The following UNC5B variants were observed in gnomAD, a reference collection of about 807,000 sequenced individuals.
UNC5B encodes unc-5 netrin receptor B, also known as netrin receptor UNC5B.
UNC5B carries 56 observed loss-of-function variants against 103.7 expected under a neutral mutation model. The ratio of observed to expected loss-of-function variants is 0.54; its 90% CI spans 0.44 to 0.67. The LOEUF (loss-of-function observed/expected upper bound fraction) is 0.67. Among genes scored for constraint, UNC5B ranks in the 30% least tolerant of loss-of-function variants. The pLI is 0.00. For synonymous variants in UNC5B, 577 were observed against 542.0 expected, an observed-to-expected ratio of 1.06 and a Z score of -0.90; for missense variants, 1,194 against 1,284.5, an observed-to-expected ratio of 0.93 and a Z score of 1.08.
At chr10:71,279,699 C>G in intron 1 of UNC5B, 122 bp from the exon 2 acceptor site, 1 of 1,078,348 alleles carries the variant, frequency 9.3e-7, no homozygotes. Flanking sequence ...CAGGAGGGCT[C>G]TGGCTGCCCC....
At chr10:71,274,402 C>T (rs1397055714) in intron 1 of UNC5B, among the ~76,000 whole-genome samples, 1 of 152,078 alleles carries the variant, frequency 6.6e-6, no homozygotes, top group African/African-American at 2.4e-5. Context: ...AGAAGTCTAG[C>T]AATGGCTGAA....
At chr10:71,271,566 G>T (rs1032570145) in intron 1 of UNC5B, among the ~76,000 whole-genome samples, 1 of 152,206 alleles carries the variant, frequency 6.6e-6, no homozygotes, top group African/African-American at 2.4e-5. Flanking sequence ...GGGCCTTGGG[G>T]GTGGAAGTCA....
intron 13 of UNC5B, among the ~76,000 whole-genome samples, chr10:71,295,053 G>A (rs746476634): frequency 5.9e-5 from 9 of 152,064 alleles, no homozygotes; most frequent in African/African-American, 9.7e-5. Flanking sequence ...CCCTGGCCCC[G>A]TCCAGCTCCT....
rs1554858437 is a variant in UNC5B at position 71,213,675 on chromosome 10, A to ATT, written c.79+611_79+612insTT. ...ATCGCTGGGCCCGCAGGTCTGGAAG[A>ATT]ATTATTATTATTATTATTATTATTA... On this transcript the variant is annotated intron_variant, in intron 1 of 16. Coordinates refer to ENST00000335350, the MANE Select transcript of UNC5B (RefSeq NM_170744.5). This position sits in a 1 kb window ranked among gnomAD's most constrained non-coding sequence, Gnocchi z 4.1. Among the ~76,000 whole-genome samples, 2 of 133,258 alleles carry ATT rather than the reference A, an allele frequency of 1.5e-5. No homozygotes were observed. Among genetic ancestry groups the ATT allele is most frequent in the Non-Finnish European group, 3.1e-5 (2 of 63,878 alleles). The allele number at this position is 133,258 out of a possible 152,430, so 87.4% of individuals were successfully genotyped here.
intron 1 of UNC5B, among the ~76,000 whole-genome samples, chr10:71,271,974 A>G (rs1019769547): frequency 3.7e-4 from 57 of 152,130 alleles, no homozygotes; most frequent in Non-Finnish European, 6.9e-4. Context: ...ACCGCCTCCG[A>G]GGGGGCCCCT....
chr10:71,259,913 G>A (rs1844376225), intron 1 of UNC5B, among the ~76,000 whole-genome samples: 1 of 152,328 alleles, frequency 6.6e-6, no homozygotes, highest in Admixed American at 6.5e-5. Flanking sequence ...GGGCAGCTCG[G>A]AGTCTGCCCA....
intron 1 of UNC5B, among the ~76,000 whole-genome samples, chr10:71,264,188 A>T (rs545365458): frequency 7.2e-5 from 11 of 152,314 alleles, no homozygotes; most frequent in African/African-American, 2.4e-4. Context: ...CTTTAGATAA[A>T]CAATAGAGAT....
intron 1 of UNC5B, among the ~76,000 whole-genome samples, chr10:71,235,091 ACTCTGCCTCTGC>A (rs749369234): frequency 5.5e-4 from 48 of 87,418 alleles, no homozygotes; most frequent in South Asian, 2.2e-3. Flanking sequence ...GCTGCCTCTG[ACTCTGCCTCTGC>A]CTCTGCCTCT....
chr10:71,282,105 C>A (rs907420441), intron 2 of UNC5B, among the ~76,000 whole-genome samples: 15 of 152,242 alleles, frequency 9.9e-5, no homozygotes, highest in Non-Finnish European at 1.6e-4. Context: ...GGCACACAGG[C>A]CCTGCCAGCC....
At chr10:71,242,752 G>A (rs1353353921) in intron 1 of UNC5B, among the ~76,000 whole-genome samples, 5 of 152,178 alleles carry the variant, frequency 3.3e-5, no homozygotes, top group South Asian at 2.1e-4. Context: ...CTTGGTCGGC[G>A]GCCCCCAGAA....
chr10:71,289,294 C>A (rs1246806188), intron 8 of UNC5B, among the ~76,000 whole-genome samples: 4 of 152,240 alleles, frequency 2.6e-5, no homozygotes, highest in Non-Finnish European at 5.9e-5. Flanking sequence ...AATAGTAGAG[C>A]CAAGATTTGA....
Position 71,285,306 on chromosome 10 carries a change from G to T in UNC5B, c.449-20G>T, listed in dbSNP as rs1845043881. On this transcript the variant is annotated intron_variant, in intron 3 of 16. Transcript: ENST00000335350. ...TCCTGCCCGCACCTGACTGCCTTGGGACCCTCTCGCTTCTCCCAGACCTGC... is the reference window on the plus strand; with the variant it reads ...TCCTGCCCGCACCTGACTGCCTTGGTACCCTCTCGCTTCTCCCAGACCTGC... 1 of 1,596,310 alleles carries T rather than the reference G, an allele frequency of 6.3e-7. No homozygotes were observed. The highest frequency in any genetic ancestry group is 1.1e-5 in the South Asian group (1 of 87,952).
rs1589143066 is a variant in UNC5B, at chr10:71,213,762, T to TGTGTGTGTGTGTGTGTGTGTG, written c.79+698_79+699insGTGTGTGTGTGTGTGTGTGTG. ...GTGTGTGTGTGTGTGTGTGTGTGTG[T>TGTGTGTGTGTGTGTGTGTGTG]TGGATGCGGGTAGGGGTTCTTAGCG... On this transcript the variant is annotated intron_variant, in intron 1 of 16. Transcript: ENST00000335350. This position sits in a 1 kb window ranked among gnomAD's most constrained non-coding sequence, Gnocchi z 4.1. Among the ~76,000 whole-genome samples, 4 of 148,084 alleles carry TGTGTGTGTGTGTGTGTGTGTG rather than the reference T, an allele frequency of 2.7e-5. No homozygotes were observed. The highest frequency in any genetic ancestry group is 1.0e-4 in the African/African-American group (4 of 39,930).
rs1845530693 is a variant in UNC5B at position 71,299,332 on chromosome 10, C to T, written c.*55C>T. The T allele has an allele frequency of 1.9e-6, 3 of 1,598,056 alleles. No homozygotes were observed. The East Asian group carries it at 6.7e-5, about 36-fold the overall frequency. The stretch of plus-strand genomic sequence containing the variant: ...TGGCAGGAGGCAGGTGCAGGGAGGC[C>T]TGGGGCAGCCTCCTGATGGGGATGT... On this transcript the variant is annotated 3_prime_UTR_variant, in exon 17 of 17. Transcript: ENST00000335350.
In UNC5B at chr10:71,293,777, G is replaced by T; in HGVS notation, c.2019G>T (p.Leu673=). The change falls in exon 13 of 17, where the codon CTG becomes CTT. Residue 673 remains leucine (L), a synonymous_variant. Coordinates refer to ENST00000335350, the MANE Select transcript of UNC5B (RefSeq NM_170744.5). ...CQLEPRACHI[L]LDQLGTYVFT... ...TGGAGCCCAGGGCCTGTCACATCCTGCTGGACCAGCTGGGCACCTACGTGT... is the reference window on the plus strand; with the variant it reads ...TGGAGCCCAGGGCCTGTCACATCCTTCTGGACCAGCTGGGCACCTACGTGT... The T allele has an allele frequency of 6.2e-7, 1 of 1,601,584 alleles. No individual in the cohort carries two copies. The highest frequency in any genetic ancestry group is 8.5e-7 in the Non-Finnish European group (1 of 1,174,352).
At chr10:71,228,765 C>T (rs114889131) in intron 1 of UNC5B, among the ~76,000 whole-genome samples, 2,051 of 152,334 alleles carry the variant, frequency 0.013, 47 homozygotes, top group African/African-American at 0.047. Flanking sequence ...TCCTCTGTGC[C>T]CACCTTGGCC....
intron 1 of UNC5B, among the ~76,000 whole-genome samples, chr10:71,257,364 G>C (rs1242909644): frequency 6.6e-6 from 1 of 152,248 alleles, no homozygotes; most frequent in African/African-American, 2.4e-5. Context: ...GAAAGCCGAA[G>C]GGAAGAAGAG....
chr10:71,226,998 T>C (rs1233389060), intron 1 of UNC5B, among the ~76,000 whole-genome samples: 4 of 150,712 alleles, frequency 2.7e-5, no homozygotes, highest in Non-Finnish European at 5.9e-5. Flanking sequence ...TTTTTTTTTT[T>C]CCTTGAAACG....
chr10:71,281,575 C>T (rs766604653), intron 2 of UNC5B, among the ~76,000 whole-genome samples: 21 of 152,320 alleles, frequency 1.4e-4, no homozygotes, highest in African/African-American at 4.1e-4. Flanking sequence ...CTCCTGACCT[C>T]GTGATCCCCC....
Sources: allele counts gnomAD v4.1 joint callset (sites outside exome capture counted in the v4.1 genomes callset), GRCh38; gene constraint gnomAD v4.1.1; non-coding constraint Gnocchi (gnomAD v3.1); transcripts MANE v1.5; gene names NCBI Gene and HGNC (gene_info 2026-07-23, HGNC 2026-07-21).